The following FAM78B variants were observed in gnomAD, a reference collection of about 807,000 sequenced individuals.
FAM78B encodes protein FAM78B.
In FAM78B, 10 loss-of-function variants were observed where a neutral mutation model predicts 20.0. That is an observed-to-expected ratio of 0.50 (90% confidence interval 0.31 to 0.85). FAM78B has a LOEUF of 0.85. Among genes scored for constraint, FAM78B ranks in the 40% least tolerant of loss-of-function variants. The pLI is 0.05. For missense variants in FAM78B, 283 were observed against 345.0 expected (o/e 0.82, Z 1.42); for synonymous variants, 135 against 132.8 (o/e 1.02, Z -0.12).
intron 1 of FAM78B, among the ~76,000 whole-genome samples, chr1:166,156,435 C>G (rs1428089771): frequency 1.3e-5 from 2 of 152,164 alleles, no homozygotes; most frequent in Non-Finnish European, 2.9e-5. Flanking sequence ...GTTGGCTGAT[C>G]ATGGACTCAG....
intron 1 of FAM78B, among the ~76,000 whole-genome samples, chr1:166,157,257 T>C (rs2101803582): frequency 6.6e-6 from 1 of 152,154 alleles, no homozygotes. Context: ...TCCTTAAGGC[T>C]GATCCACAGT....
chr1:166,122,787 A>G (rs1257985885), intron 1 of FAM78B, among the ~76,000 whole-genome samples: 2 of 152,226 alleles, frequency 1.3e-5, no homozygotes, highest in Admixed American at 1.3e-4. Context: ...TCTGGTATAT[A>G]AAATATGCTT....
At chr1:166,138,790 A>G (rs1446510444) in intron 1 of FAM78B, among the ~76,000 whole-genome samples, 1 of 152,194 alleles carries the variant, frequency 6.6e-6, no homozygotes, top group East Asian at 1.9e-4. Context: ...AGGCAACAAG[A>G]TTTTTGTCTG....
At chr1:166,159,144 G>A (rs1335127694) in intron 1 of FAM78B, among the ~76,000 whole-genome samples, 1 of 152,220 alleles carries the variant, frequency 6.6e-6, no homozygotes, top group African/African-American at 2.4e-5. Flanking sequence ...AAAGAGCTAG[G>A]TGCATGATGA....
At chr1:166,146,334 T>C (rs1655453762) in intron 1 of FAM78B, among the ~76,000 whole-genome samples, 1 of 152,184 alleles carries the variant, frequency 6.6e-6, no homozygotes, top group Non-Finnish European at 1.5e-5. Flanking sequence ...TCTGAGACAT[T>C]TCTTCTATGT....
intron 1 of FAM78B, among the ~76,000 whole-genome samples, chr1:166,084,205 C>CCACACACACACACA (rs374157991): frequency 9.2e-4 from 112 of 121,150 alleles, no homozygotes; most frequent in African/African-American, 2.3e-3. Flanking sequence ...GATGTAGAAA[C>CCACACACACACACA]CACACACACA....
chr1:166,059,732 G>T (rs1226795618), exon 3 of FAM78B: 1 of 152,214 alleles, frequency 6.6e-6, no homozygotes, highest in Non-Finnish European at 1.5e-5. Flanking sequence ...TGACTTTACA[G>T]CCTTGTTAGC....
intron 1 of FAM78B, among the ~76,000 whole-genome samples, chr1:166,138,769 C>T (rs2101786719): frequency 6.6e-6 from 1 of 152,314 alleles, no homozygotes; most frequent in Non-Finnish European, 1.5e-5. Context: ...ACTAGAATGT[C>T]AACTCCATAA....
chr1:166,105,656 A>C (rs1557901530), intron 1 of FAM78B, among the ~76,000 whole-genome samples: 2 of 152,246 alleles, frequency 1.3e-5, no homozygotes, highest in Non-Finnish European at 2.9e-5. Flanking sequence ...CCACAATGAG[A>C]CACTATCTCA....
intron 1 of FAM78B, among the ~76,000 whole-genome samples, chr1:166,078,630 GA>G (rs986964224): frequency 2.6e-4 from 40 of 152,208 alleles, no homozygotes; most frequent in African/African-American, 9.6e-4. Flanking sequence ...CACTGCCTTT[GA>G]GGGGCAGAGC....
rs141994641 is a variant in FAM78B, at chr1:166,093,788, T to C, written c.264-23025A>G. On this transcript the variant is annotated intron_variant, in intron 1 of 1. Coordinates refer to ENST00000354422, the MANE Select transcript of FAM78B (RefSeq NM_001017961.5). The stretch of plus-strand genomic sequence containing the variant: ...TTAAAGAAAGCAATAAAATTCGCAG[T>C]TGTAGATTGGGCTCTGGTGGTAAGG... Among the ~76,000 whole-genome samples, 25 of 151,622 alleles carry C rather than the reference T, an allele frequency of 1.6e-4. 1 individual carries two copies. The highest frequency in any genetic ancestry group is 4.8e-4 in the African/African-American group (20 of 41,304).
downstream of FAM78B, among the ~76,000 whole-genome samples, chr1:166,065,823 C>T (rs1651773077): frequency 6.6e-6 from 1 of 152,110 alleles, no homozygotes; most frequent in South Asian, 2.1e-4. Context: ...TCACTCAGCT[C>T]CCTTTCTATC....
intron 1 of FAM78B, among the ~76,000 whole-genome samples, chr1:166,093,343 T>C (rs1007497943): frequency 6.6e-6 from 1 of 152,116 alleles, no homozygotes; most frequent in East Asian, 1.9e-4. Flanking sequence ...ATAAAAATGA[T>C]TTTAAATCCT....
intron 1 of FAM78B, among the ~76,000 whole-genome samples, chr1:166,153,143 A>C (rs1557919549): frequency 6.6e-6 from 1 of 152,204 alleles, no homozygotes; most frequent in Non-Finnish European, 1.5e-5. Flanking sequence ...AACGTGGAAG[A>C]CAGAGTGACT....
chr1:166,130,427 T>C (rs938216824), intron 1 of FAM78B, among the ~76,000 whole-genome samples: 6 of 152,208 alleles, frequency 3.9e-5, no homozygotes, highest in African/African-American at 1.4e-4. Flanking sequence ...AGTTATTTAA[T>C]GTATCCTGCT....
At chr1:166,130,693 A>G (rs1470294637) in intron 1 of FAM78B, among the ~76,000 whole-genome samples, 2 of 152,204 alleles carry the variant, frequency 1.3e-5, no homozygotes, top group Non-Finnish European at 2.9e-5. Flanking sequence ...ATTAATTAAA[A>G]TAAGTATTAT....
At chr1:166,123,771 G>C (rs1000613341) in intron 1 of FAM78B, among the ~76,000 whole-genome samples, 3 of 152,188 alleles carry the variant, frequency 2.0e-5, no homozygotes, top group South Asian at 2.1e-4. Flanking sequence ...GAGGTGTTTA[G>C]AGACCCACAA....
chr1:166,061,829 G>A (rs1001786752), intron 2 of FAM78B, among the ~76,000 whole-genome samples: 65 of 152,214 alleles, frequency 4.3e-4, no homozygotes, highest in South Asian at 6.2e-4. Flanking sequence ...AGCAGGGATA[G>A]AGGGGAATGA....
chr1:166,067,675 G>A (rs967408739), downstream of FAM78B, among the ~76,000 whole-genome samples: 5 of 152,160 alleles, frequency 3.3e-5, no homozygotes, highest in African/African-American at 1.2e-4. Flanking sequence ...TAAAACAACA[G>A]TAACTTGAAA....
Sources: gnomAD v4.1 joint callset for allele counts (sites outside exome capture counted in the v4.1 genomes callset) on GRCh38, gnomAD v4.1.1 for gene constraint, MANE v1.5 for transcripts, NCBI Gene and HGNC (gene_info 2026-07-23, HGNC 2026-07-21) for gene names.